Variants in ZBTB24 observed in about 807,000 individuals in gnomAD.
ZBTB24 encodes zinc finger and BTB domain containing 24.
A neutral mutation model predicts 53.8 loss-of-function variants in ZBTB24; 32 were observed. The observed-to-expected ratio is 0.60, with a 90% CI of 0.45 to 0.80. The LOEUF (loss-of-function observed/expected upper bound fraction) is 0.80, where lower values mean the gene tolerates loss of function less well. Ranked by LOEUF, ZBTB24 falls within the 30% of genes least tolerant of loss-of-function variation. The pLI, the probability that ZBTB24 is intolerant of heterozygous loss-of-function variation, is 0.00. For missense variants in ZBTB24, 722 were observed against 837.1 expected (o/e 0.86, Z 1.70); for synonymous variants, 297 against 306.7 (o/e 0.97, Z 0.33).
intron 5 of ZBTB24, among the ~76,000 whole-genome samples, chr6:109,472,588 G>A (rs1236903685): frequency 2.0e-5 from 3 of 152,074 alleles, no homozygotes; most frequent in African/African-American, 7.2e-5. Flanking sequence ...CTCCACCACC[G>A]CTGTCTCCCT....
intron 5 of ZBTB24, among the ~76,000 whole-genome samples, chr6:109,475,044 A>T (rs1232777060): frequency 5.4e-5 from 3 of 55,670 alleles, no homozygotes; most frequent in Admixed American, 4.0e-4. Context: ...CCTTATCTTT[A>T]AAAAAAAAAA....
At position 109,462,897 on chromosome 6, in the gene ZBTB24, G is replaced by C. The variant is rs1420818337; in HGVS notation, c.*2954C>G. ...AAATGGTACACATTTAGTAGAAAATGAATTGTGAAACACTGCACTAGCAAC... is the reference window on the plus strand; with the variant it reads ...AAATGGTACACATTTAGTAGAAAATCAATTGTGAAACACTGCACTAGCAAC... On this transcript the variant is annotated 3_prime_UTR_variant, in exon 7 of 7. Coordinates refer to ENST00000230122, the MANE Select transcript of ZBTB24 (RefSeq NM_014797.3). 6.6e-6 allele frequency: 1 copy of C among 152,212 alleles called. No individual in the cohort carries two copies. Among genetic ancestry groups the C allele is most frequent in the African/African-American group, 2.4e-5 (1 of 41,450 alleles). The allele number at this position is 152,212 out of a possible 1,614,324, so 9.4% of individuals were successfully genotyped here. A position where few individuals can be genotyped will look rare whatever the true frequency, so the allele number is the denominator to read the frequency against.
chr6:109,476,477 A>G (rs1470233378), intron 3 of ZBTB24, among the ~76,000 whole-genome samples: 3 of 152,226 alleles, frequency 2.0e-5, no homozygotes, highest in Non-Finnish European at 4.4e-5. Context: ...GTAGAACTGG[A>G]GAATTTAAGT....
intron 2 of ZBTB24, among the ~76,000 whole-genome samples, chr6:109,477,527 G>GT (rs1177944033): frequency 1.3e-5 from 2 of 152,204 alleles, no homozygotes; most frequent in Non-Finnish European, 2.9e-5. Context: ...GGAAACAGGG[G>GT]TGAGGGAGGG....
rs746919453 is a variant in ZBTB24 at position 109,463,508 on chromosome 6, C to G, written c.*2343G>C. 6.6e-6 allele frequency: 1 copy of G among 152,120 alleles called. No individual in the cohort carries two copies. The highest frequency in any genetic ancestry group is 1.5e-5 in the Non-Finnish European group (1 of 68,028). 9.4% of individuals were successfully genotyped at this position (152,120 alleles called of 1,614,324 possible). ...AGCATTTGCACTGTGTCCCATGCAA[C>G]AAGGAACTGGATTTTAATTTTAATA... On this transcript the variant is annotated 3_prime_UTR_variant, in exon 7 of 7. Coordinates refer to ENST00000230122, the MANE Select transcript of ZBTB24 (RefSeq NM_014797.3).
In ZBTB24 at chr6:109,481,322, T is replaced by C; in HGVS notation, c.705A>G (p.Lys235=). Residue 235 remains lysine, a synonymous_variant, in exon 2 of 7, where the codon AAA becomes AAG. Coordinates refer to ENST00000230122, the MANE Select transcript of ZBTB24 (RefSeq NM_014797.3). The part of the protein sequence containing the change: ...PSREEEMPVE[K]DENYDPKTED... Reference sequence around the variant, plus strand: ...CGGTCTTGGGATCATAGTTCTCATCTTTTTCAACTGGCATTTCCTCCTCTC... The same window carrying C: ...CGGTCTTGGGATCATAGTTCTCATCCTTTTCAACTGGCATTTCCTCCTCTC... 2 of 1,614,200 alleles carry C rather than the reference T, an allele frequency of 1.2e-6. No individual in the cohort carries two copies. The highest frequency in any genetic ancestry group is 1.1e-5 in the South Asian group (1 of 91,084).
At position 109,476,172 on chromosome 6, in the gene ZBTB24, T is replaced by C; in HGVS notation, c.1204+3A>G. 4 of 1,613,988 alleles carry C rather than the reference T, an allele frequency of 2.5e-6. No homozygotes were observed. The highest frequency in any genetic ancestry group is 2.5e-6 in the Non-Finnish European group (3 of 1,179,936). On this transcript the variant is annotated splice_donor_region_variant and intron_variant, in intron 4 of 6. Transcript: ENST00000230122. ...CAATCTAAATGTTCTCACTTTATCG[T>C]ACCTGTATGAACTCGGTAATGGCTC...
At chr6:109,482,133 C>T (rs1349702477) in intron 1 of ZBTB24, 79 bp from the exon 2 acceptor site, 3 of 975,462 alleles carry the variant, frequency 3.1e-6, no homozygotes, top group African/African-American at 1.6e-5. Flanking sequence ...ACTTCCTATT[C>T]ACTTCACATC....
At chr6:109,479,211 T>G (rs1227878811) in intron 2 of ZBTB24, among the ~76,000 whole-genome samples, 1 of 152,208 alleles carries the variant, frequency 6.6e-6, no homozygotes, top group Non-Finnish European at 1.5e-5. Flanking sequence ...AGACCCATAC[T>G]AAAGTGATGG....
intron 2 of ZBTB24, among the ~76,000 whole-genome samples, chr6:109,479,527 G>A (rs551851055): frequency 3.3e-5 from 5 of 152,342 alleles, no homozygotes; most frequent in African/African-American, 1.2e-4. Context: ...GTCGGGGACT[G>A]TCTGTACTGA....
rs1279352032 is a variant in ZBTB24 at position 109,481,332 on chromosome 6, G to A, written c.695C>T (p.Pro232Leu). ...TCEPSREEEM[P>L]VEKDENYDPK... ...ATCATAGTTCTCATCTTTTTCAACT[G>A]GCATTTCCTCCTCTCTACTTGGCTC... is the stretch of plus-strand genomic sequence containing the variant. Residue 232 changes from proline to leucine, a missense_variant, in exon 2 of 7, where the codon CCA becomes CTA. Pro to Leu is a moderately conservative substitution (Grantham distance 98). Coordinates refer to ENST00000230122, the MANE Select transcript of ZBTB24 (RefSeq NM_014797.3). 3 of 1,613,996 alleles carry A rather than the reference G, an allele frequency of 1.9e-6. No individual in the cohort carries two copies. Among genetic ancestry groups the A allele is most frequent in the East Asian group, 2.2e-5 (1 of 44,894 alleles).
At chr6:109,475,530 C>T in intron 4 of ZBTB24, 48 bp from the exon 5 acceptor site, 2 of 1,598,370 alleles carry the variant, frequency 1.3e-6, no homozygotes, top group Non-Finnish European at 1.7e-6. Context: ...GCTCTCCCTG[C>T]CTTTTCTTCA....
chr6:109,476,133 C>T, intron 4 of ZBTB24, 42 bp downstream of exon 4: 1 of 1,597,418 alleles, frequency 6.3e-7, no homozygotes, highest in Non-Finnish European at 8.6e-7. Context: ...TTCTTATTTG[C>T]ATTTCTTCCC....
In ZBTB24 at chr6:109,476,806, C is replaced by G. The variant is rs1562302899; in HGVS notation, c.1077G>C (p.Leu359=). Residue 359 remains leucine, a synonymous_variant, in exon 3 of 7, where the codon CTG becomes CTC. Transcript: ENST00000230122. ...GCTCCAGCAGTGAGTGCTTGGTGGT[C>G]AGAGCCTTGCTGCACACGGTGCAGG... is the stretch of plus-strand genomic sequence containing the variant. ...PYTCTVCSKA[L]TTKHSLLEHM... is the part of the protein sequence containing the mutation. 4 of 1,614,002 alleles carry G rather than the reference C, an allele frequency of 2.5e-6. No homozygotes were observed. Among genetic ancestry groups the G allele is most frequent in the Admixed American group, 1.7e-5 (1 of 60,020 alleles).
chr6:109,481,397 T>C lies in ZBTB24; in HGVS notation c.630A>G (p.Gln210=), dbSNP rs142786098. 186 of 1,614,060 alleles carry C rather than the reference T, an allele frequency of 1.2e-4. No individual in the cohort carries two copies. Among genetic ancestry groups the C allele is most frequent in the Non-Finnish European group, 1.4e-4 (171 of 1,180,026 alleles). The change falls in exon 2 of 7, where the codon CAA becomes CAG. Residue 210 remains glutamine (Q), a synonymous_variant. Transcript: ENST00000230122. ...ATTCTTCCTTTTCTTTTGCTGCAAT[T>C]TGCTCATTCAGTACACCACTGTCTC... ...VKGDSGVLNE[Q]IAAKEKEESE... is the part of the protein sequence containing the mutation.
Position 109,470,809 on chromosome 6 carries a change from G to A in ZBTB24, c.1289-3075C>T, listed in dbSNP as rs932521896. On this transcript the variant is annotated intron_variant, in intron 5 of 6. Transcript: ENST00000230122. Reference sequence around the variant, plus strand: ...CTTGAGACAACCAGTTAACAATGGCGAATATCTTTACAGACAAATCTGTTT... The same window carrying A: ...CTTGAGACAACCAGTTAACAATGGCAAATATCTTTACAGACAAATCTGTTT... Among the ~76,000 whole-genome samples, 9 of 152,186 alleles carry A rather than the reference G, an allele frequency of 5.9e-5. No individual in the cohort carries two copies. In the East Asian group the frequency reaches 9.6e-4, roughly 16 times the overall value.
rs183072360 is a variant in ZBTB24, at chr6:109,467,636, T to C, written c.1370+17A>G. 3.5e-5 allele frequency: 56 copies of C among 1,613,726 alleles called. No individual in the cohort carries two copies. The African/African-American group carries it at 6.5e-4, about 19-fold the overall frequency. ...GAATGAGGCCTCCATGCGAGAAAAA[T>C]ATCTGCAAAACTTTACCGATGGATT... On this transcript the variant is annotated intron_variant, in intron 6 of 6. Transcript: ENST00000230122.
In ZBTB24 at chr6:109,466,426, C is replaced by A; in HGVS notation, c.1519G>T (p.Ala507Ser). 1 of 1,614,132 alleles carries A rather than the reference C, an allele frequency of 6.2e-7. No individual in the cohort carries two copies. Among genetic ancestry groups the A allele is most frequent in the Non-Finnish European group, 8.5e-7 (1 of 1,180,034 alleles). ...TCCTTGCTATGAATTTTCAAGTGAG[C>A]CTTCAAGTTGTCTAAGCGAGCAAAC... The part of the protein sequence containing the change: ...LQFARLDNLK[A>S]HLKIHSKEKH... Residue 507 changes from alanine (A) to serine (S), a missense_variant, in exon 7 of 7, where the codon GCT becomes TCT. Physicochemically the swap from Ala to Ser is moderately conservative, Grantham distance 99. Coordinates refer to ENST00000230122, the MANE Select transcript of ZBTB24 (RefSeq NM_014797.3).
intron 5 of ZBTB24, among the ~76,000 whole-genome samples, chr6:109,472,514 A>G (rs1776187810): frequency 6.6e-6 from 1 of 152,164 alleles, no homozygotes; most frequent in Non-Finnish European, 1.5e-5. Flanking sequence ...ATGCTCAGGC[A>G]ACAGAACCAA....
Sources: allele counts gnomAD v4.1 joint callset (sites outside exome capture counted in the v4.1 genomes callset), GRCh38; gene constraint gnomAD v4.1.1; transcripts MANE v1.5; gene names NCBI Gene and HGNC (gene_info 2026-07-23, HGNC 2026-07-21).